Variants in ZNF724 observed in about 807,000 individuals in gnomAD.
ZNF724 encodes the protein zinc finger protein 724 pseudogene.
ZNF724 carries 14 observed loss-of-function variants against 29.3 expected under a neutral mutation model. That is an observed-to-expected ratio of 0.48 (90% CI 0.32 to 0.75). The LOEUF (loss-of-function observed/expected upper bound fraction) is 0.75, where lower values mean the gene tolerates loss of function less well. Among genes scored for constraint, ZNF724 ranks in the 30% least tolerant of loss-of-function variants. The probability of loss-of-function intolerance (pLI) is 0.04; values close to 1 mark genes in which losing one functional copy is unlikely to be tolerated. For missense variants in ZNF724, 557 were observed against 571.2 expected, an observed-to-expected ratio of 0.98 and a Z score of 0.25; for synonymous variants, 180 against 193.6, an observed-to-expected ratio of 0.93 and a Z score of 0.58.
intron 1 of ZNF724, among the ~76,000 whole-genome samples, chr19:23,237,717 T>TTAAA (rs369715751): frequency 2.3e-5 from 3 of 132,590 alleles, no homozygotes; most frequent in Non-Finnish European, 4.7e-5. Context: ...GAACCCGTCT[T>TTAAA]AAAAAAAAAA....
intron 1 of ZNF724, among the ~76,000 whole-genome samples, chr19:23,248,751 T>C (rs1351207794): frequency 1.3e-5 from 2 of 151,986 alleles, no homozygotes; most frequent in Non-Finnish European, 2.9e-5. Flanking sequence ...TCCTACCACT[T>C]AGGGAGGCTG....
At position 23,223,687 on chromosome 19, in the gene ZNF724, A is replaced by C. The variant is rs1363845325; in HGVS notation, c.558T>G (p.Thr186=). The C allele has an allele frequency of 1.4e-6, 1 of 716,336 alleles. No individual in the cohort carries two copies. Among genetic ancestry groups the C allele is most frequent in the African/African-American group, 1.7e-5 (1 of 57,276 alleles). 44.4% of individuals were successfully genotyped at this position (716,336 alleles called of 1,614,324 possible). A position where few individuals can be genotyped will look rare whatever the true frequency, so the allele number is the denominator to read the frequency against. ...CAGTAGTGTGAATTCTTTTATGTTG[A>C]GTTAGGTGTGAAAGAACACAAAATG... is the stretch of plus-strand genomic sequence containing the variant. The part of the protein sequence containing the change: ...GKSFCVLSHL[T]QHKRIHTTVN... The change falls in exon 4 of 4, where the codon ACT becomes ACG. Residue 186 remains threonine, a synonymous_variant. Transcript: ENST00000418100.
chr19:23,241,472 T>C (rs562737352), intron 1 of ZNF724, among the ~76,000 whole-genome samples: 114 of 152,190 alleles, frequency 7.5e-4, no homozygotes, highest in African/African-American at 2.5e-3. Flanking sequence ...ATATCCTTGA[T>C]GAACATTGCT....
At chr19:23,250,216 G>A (rs758107822) in intron 1 of ZNF724, 24 bp downstream of exon 1, 2 of 626,816 alleles carry the variant, frequency 3.2e-6, no homozygotes, top group Non-Finnish European at 5.9e-6. Flanking sequence ...CTCTCTCTCC[G>A]GATGTCGGAG....
At position 23,223,830 on chromosome 19, in the gene ZNF724, T is replaced by C. The variant is rs1971771527; in HGVS notation, c.415A>G (p.Thr139Ala). The change falls in exon 4 of 4, where the codon ACT (threonine) becomes GCT (alanine). Residue 139 changes from threonine (T) to alanine (A), a missense_variant. By Grantham distance (58) the Thr-to-Ala change is moderately conservative (BLOSUM62 0). This residue lies in a region of ZNF724 where 362 missense variants were observed against 295.5 expected (regional missense o/e 1.22). Transcript: ENST00000418100. ...CACTGAAATATTTTGCTCTGGGTAG[T>C]TGTCAAACACTGGTTAAATCCATTA... ...SYNGFNQCLT[T>A]TQSKIFQCDK... 1 of 779,862 alleles carries C rather than the reference T, an allele frequency of 1.3e-6. No homozygotes were observed. The highest frequency in any genetic ancestry group is 1.7e-5 in the Admixed American group (1 of 58,908). 48.3% of individuals were successfully genotyped at this position (779,862 alleles called of 1,614,324 possible). A position where few individuals can be genotyped will look rare whatever the true frequency, so the allele number is the denominator to read the frequency against.
chr19:23,228,355 C>T (rs1971875255), intron 3 of ZNF724, among the ~76,000 whole-genome samples: 2 of 151,048 alleles, frequency 1.3e-5, no homozygotes, highest in African/African-American at 4.9e-5. Context: ...GAGGCTGAGA[C>T]AGCAGAATTG....
chr19:23,235,308 T>C (rs1373046020), intron 1 of ZNF724, among the ~76,000 whole-genome samples: 3 of 152,276 alleles, frequency 2.0e-5, no homozygotes, highest in South Asian at 4.1e-4. Context: ...AAAAAATGTA[T>C]AGAACACTAA....
chr19:23,241,590 C>A (rs755188200), intron 1 of ZNF724, among the ~76,000 whole-genome samples: 49 of 152,250 alleles, frequency 3.2e-4, no homozygotes, highest in Non-Finnish European at 5.9e-4. Flanking sequence ...GTTGGTTCAA[C>A]ATACAAAAAT....
chr19:23,236,649 TC>T (rs1403064990), intron 1 of ZNF724: 1 of 152,088 alleles, frequency 6.6e-6, no homozygotes, highest in East Asian at 1.9e-4. Context: ...CAGAAAATGT[TC>T]CCCTAAAATA....
chr19:23,223,995 C>G lies in ZNF724; in HGVS notation c.250G>C (p.Asp84His), dbSNP rs1248832541. The change falls in exon 4 of 4, where the codon GAC becomes CAC. Residue 84 changes from aspartate (D) to histidine (H), a missense_variant. Transcript: ENST00000418100. ...PPGMCCYFAQ[D>H]LRPEQSIKAS... ...TTTATGCTCTGCTCTGGCCGAAGGTCTTGGGCAAAATAACAACACATACCT... is the reference window on the plus strand; with the variant it reads ...TTTATGCTCTGCTCTGGCCGAAGGTGTTGGGCAAAATAACAACACATACCT... The G allele has an allele frequency of 1.5e-6, 1 of 679,374 alleles. No individual in the cohort carries two copies. The highest frequency in any genetic ancestry group is 2.6e-5 in the East Asian group (1 of 38,338). The allele number at this position is 679,374 out of a possible 1,614,324, so 42.1% of individuals were successfully genotyped here. A position where few individuals can be genotyped will look rare whatever the true frequency, so the allele number is the denominator to read the frequency against.
chr19:23,240,077 C>T (rs1972092274), intron 1 of ZNF724, among the ~76,000 whole-genome samples: 1 of 151,888 alleles, frequency 6.6e-6, no homozygotes, highest in Non-Finnish European at 1.5e-5. Flanking sequence ...TTTGGAAGGC[C>T]AAGGAAGGTG....
At chr19:23,232,415 C>T (rs1971952491) in intron 1 of ZNF724, 122 bp from the exon 2 acceptor site, 8 of 619,136 alleles carry the variant, frequency 1.3e-5, no homozygotes, top group Non-Finnish European at 2.0e-5. Context: ...TGAAATTATC[C>T]AAATGAAGTA....
chr19:23,240,058 T>C (rs142986394), intron 1 of ZNF724, among the ~76,000 whole-genome samples: 8,617 of 152,160 alleles, frequency 0.057, 304 homozygotes, highest in Middle Eastern at 0.11. Flanking sequence ...ATGCCTGTAA[T>C]CCTAGCACTT....
intron 1 of ZNF724, among the ~76,000 whole-genome samples, chr19:23,237,498 C>T (rs981931968): frequency 6.6e-6 from 1 of 151,314 alleles, no homozygotes; most frequent in African/African-American, 2.4e-5. Context: ...TTTCTGTAAC[C>T]ATAATTTAGT....
Position 23,223,091 on chromosome 19 carries a change from T to C in ZNF724, c.1154A>G (p.Lys385Arg), listed in dbSNP as rs773214910. The change falls in exon 4 of 4, where the codon AAG (lysine) becomes AGG (arginine). Residue 385 changes from lysine (K) to arginine (R), a missense_variant. Coordinates refer to ENST00000418100, the MANE Select transcript of ZNF724 (RefSeq NM_001355404.2). ...TGGTTTTTCTCCAGTATGAATTCTC[T>C]TATGTTGAGTAAGAGTTGAGGACAC... ...FNVSSTLTQHKRIHTGEKPYK... is the reference protein window; with the variant it reads ...FNVSSTLTQHRRIHTGEKPYK... The C allele has an allele frequency of 6.9e-4, 880 of 1,267,670 alleles. No homozygotes were observed. The highest frequency in any genetic ancestry group is 9.4e-4 in the Non-Finnish European group (814 of 865,402). 78.5% of individuals were successfully genotyped at this position (1,267,670 alleles called of 1,614,324 possible).
intron 1 of ZNF724, among the ~76,000 whole-genome samples, chr19:23,240,277 CTG>C (rs1972096570): frequency 1.4e-5 from 1 of 69,852 alleles, no homozygotes; most frequent in Non-Finnish European, 3.2e-5. Flanking sequence ...GAGCGAGACT[CTG>C]TCAAAAAAAA....
chr19:23,223,004 C>G lies in ZNF724; in HGVS notation c.1241G>C (p.Arg414Thr). ...GTAGGGTTTCTCTCCGGTATGAATTCTTTTATGTGTGGTGAGGTGTGAGGA... is the reference window on the plus strand; with the variant it reads ...GTAGGGTTTCTCTCCGGTATGAATTGTTTTATGTGTGGTGAGGTGTGAGGA... ...NTSSHLTTHK[R>T]IHTGEKPYKC... Residue 414 changes from arginine (R) to threonine (T), a missense_variant, in exon 4 of 4, where the codon AGA becomes ACA. Arg to Thr is a moderately conservative substitution (Grantham distance 71). Coordinates refer to ENST00000418100, the MANE Select transcript of ZNF724 (RefSeq NM_001355404.2). 1 of 1,357,772 alleles carries G rather than the reference C, an allele frequency of 7.4e-7. No homozygotes were observed. Among genetic ancestry groups the G allele is most frequent in the Non-Finnish European group, 1.1e-6 (1 of 948,594 alleles). The allele number at this position is 1,357,772 out of a possible 1,614,324, so 84.1% of individuals were successfully genotyped here. A position where few individuals can be genotyped will look rare whatever the true frequency, so the allele number is the denominator to read the frequency against.
intron 1 of ZNF724, among the ~76,000 whole-genome samples, chr19:23,238,113 C>T (rs1390719371): frequency 6.6e-6 from 1 of 152,148 alleles, no homozygotes; most frequent in Non-Finnish European, 1.5e-5. Flanking sequence ...ACCTTGTAAT[C>T]CCAGCACTTT....
chr19:23,240,206 C>T (rs994053510), intron 1 of ZNF724, among the ~76,000 whole-genome samples: 4 of 150,890 alleles, frequency 2.7e-5, no homozygotes, highest in Non-Finnish European at 5.9e-5. Context: ...GTCCCACCTA[C>T]CTGGGAGGCT....
Sources: allele counts gnomAD v4.1 joint callset (sites outside exome capture counted in the v4.1 genomes callset), GRCh38; gene constraint gnomAD v4.1.1; regional missense constraint gnomAD v4.1.1; transcripts MANE v1.5; gene names NCBI Gene and HGNC (gene_info 2026-07-23, HGNC 2026-07-21).